The following SNRPN variants were observed in gnomAD, a reference collection of about 807,000 sequenced individuals.
SNRPN encodes the protein small nuclear ribonucleoprotein-associated protein N.
A neutral mutation model predicts 25.2 loss-of-function variants in SNRPN; 7 were observed. That is an observed-to-expected ratio of 0.28 (90% CI 0.16 to 0.52). SNRPN has a LOEUF of 0.52. Ranked by LOEUF, SNRPN falls within the 20% of genes least tolerant of loss-of-function variation. The pLI is 0.96. For missense variants in SNRPN, 196 were observed against 322.5 expected, an observed-to-expected ratio of 0.61 and a Z score of 3.00; for synonymous variants, 124 against 110.6, an observed-to-expected ratio of 1.12 and a Z score of -0.76.
chr15:24,967,783 G>T, intron 2 of SNRPN, 149 bp from the exon 3 acceptor site: 1 of 683,956 alleles, frequency 1.5e-6, no homozygotes, highest in South Asian at 1.7e-5. Context: ...ACTCCAGCCT[G>T]GGCAACAGAA....
At chr15:24,968,730 CT>C (rs1244104279) in intron 3 of SNRPN, 1 of 151,934 alleles carries the variant, frequency 6.6e-6, no homozygotes, top group African/African-American at 2.4e-5. Flanking sequence ...TTACTAATTC[CT>C]TTTTGTTTTG....
intron 3 of SNRPN, among the ~76,000 whole-genome samples, chr15:24,922,612 C>G (rs1236481389): frequency 6.6e-6 from 1 of 152,150 alleles, no homozygotes; most frequent in East Asian, 1.9e-4. Context: ...CATACTTAAG[C>G]TACAGGAATA....
At chr15:24,962,508 A>G (rs1160377639) in intron 2 of SNRPN, among the ~76,000 whole-genome samples, 1 of 152,224 alleles carries the variant, frequency 6.6e-6, no homozygotes, top group East Asian at 1.9e-4. Context: ...TGCATTATTA[A>G]ATCACTTTGT....
At chr15:24,918,779 A>T (rs200732487) in intron 2 of SNRPN, among the ~76,000 whole-genome samples, 421 of 25,984 alleles carry the variant, frequency 0.016, 120 homozygotes, top group African/African-American at 0.056. Flanking sequence ...TATATAACAT[A>T]ATATATATGT....
chr15:24,958,523 A>G (rs1012702802), intron 1 of SNRPN, among the ~76,000 whole-genome samples: 1 of 87,490 alleles, frequency 1.1e-5, no homozygotes, highest in Non-Finnish European at 2.3e-5. Flanking sequence ...TTTTTTTTAA[A>G]TAGACCAGGG....
chr15:24,960,443 C>T (rs1018200990), intron 1 of SNRPN, among the ~76,000 whole-genome samples: 13 of 152,018 alleles, frequency 8.6e-5, no homozygotes, highest in African/African-American at 2.2e-4. Flanking sequence ...TAGGCTCAAG[C>T]GCCCTCTCAC....
At chr15:24,912,068 C>T (rs1210777805) in intron 2 of SNRPN, among the ~76,000 whole-genome samples, 2 of 152,188 alleles carry the variant, frequency 1.3e-5, no homozygotes, top group Admixed American at 6.5e-5. Context: ...ACTCTCACAC[C>T]TCAAGATTGA....
intron 2 of SNRPN, among the ~76,000 whole-genome samples, chr15:24,845,381 T>C (rs1347198771): frequency 2.6e-5 from 4 of 152,202 alleles, no homozygotes; most frequent in Admixed American, 6.5e-5. Context: ...GCAGATCACC[T>C]GAGGTCGGGA....
At position 24,976,939 on chromosome 15, in the gene SNRPN, T is replaced by C. The variant is rs1004922596; in HGVS notation, c.330T>C (p.Ala110=). The C allele has an allele frequency of 2.5e-6, 4 of 1,608,636 alleles. No homozygotes were observed. Among genetic ancestry groups the C allele is most frequent in the Non-Finnish European group, 2.5e-6 (3 of 1,178,414 alleles). The change falls in exon 7 of 10, where the codon GCT becomes GCC. Residue 110 remains alanine, a synonymous_variant. Coordinates refer to ENST00000390687, the MANE Select transcript of SNRPN (RefSeq NM_003097.6). ...AAGGPGVGRA[A]GRGVPAGVPI... ...GAGGCCCTGGGGTTGGTAGGGCAGC[T>C]GGTAGAGGAGTACCAGCTGGTGTGC...
At chr15:24,914,118 T>G (rs1164439713) in intron 2 of SNRPN, among the ~76,000 whole-genome samples, 2 of 152,098 alleles carry the variant, frequency 1.3e-5, no homozygotes, top group Non-Finnish European at 2.9e-5. Flanking sequence ...GAGGGTACCT[T>G]TTGTCTTCGC....
In SNRPN at chr15:24,962,108, T is replaced by A; in HGVS notation, c.-390-6T>A. 1.9e-6 allele frequency: 3 copies of A among 1,613,790 alleles called. No homozygotes were observed. The highest frequency in any genetic ancestry group is 2.5e-6 in the Non-Finnish European group (3 of 1,179,718). On this transcript the variant is annotated splice_region_variant and splice_polypyrimidine_tract_variant and intron_variant, in intron 1 of 9. Transcript: ENST00000390687. Reference sequence around the variant, plus strand: ...ACCAAACAAATGCCTCTCTTTTCTGTTTCAGGGATCGCTTACACCTGAGAC... The same window carrying A: ...ACCAAACAAATGCCTCTCTTTTCTGATTCAGGGATCGCTTACACCTGAGAC...
intron 3 of SNRPN, among the ~76,000 whole-genome samples, chr15:24,969,048 C>A (rs1460856278): frequency 6.6e-6 from 1 of 151,964 alleles, no homozygotes; most frequent in Non-Finnish European, 1.5e-5. Context: ...TCCTTCTAGC[C>A]TTTTTTTAAG....
intron 3 of SNRPN, among the ~76,000 whole-genome samples, chr15:24,920,856 C>T (rs1044285561): frequency 6.6e-6 from 1 of 152,174 alleles, no homozygotes; most frequent in Non-Finnish European, 1.5e-5. Context: ...AGCAGTGAAG[C>T]GAAGCTCAGA....
chr15:24,876,317 C>A (rs1418520986), intron 1 of SNRPN, among the ~76,000 whole-genome samples: 1 of 151,908 alleles, frequency 6.6e-6, no homozygotes, highest in Admixed American at 6.6e-5. Flanking sequence ...CAATAAAAAT[C>A]AGATTAAAGA....
chr15:24,930,454 A>G (rs2060739322), intron 3 of SNRPN, among the ~76,000 whole-genome samples: 2 of 151,882 alleles, frequency 1.3e-5, no homozygotes, highest in African/African-American at 4.8e-5. Context: ...CCTATACCTT[A>G]TTAGAACTCA....
intron 1 of SNRPN, among the ~76,000 whole-genome samples, chr15:24,826,996 G>A (rs35411551): frequency 0.11 from 16,325 of 152,002 alleles, 1,068 homozygotes; most frequent in South Asian, 0.24. Flanking sequence ...ATGATAACAC[G>A]ATGGTGTCAT....
At chr15:24,848,735 C>G (rs1444977459) in intron 2 of SNRPN, 1 of 151,924 alleles carries the variant, frequency 6.6e-6, no homozygotes, top group East Asian at 1.9e-4. Context: ...CCTTAAGATT[C>G]TCTATTTTTA....
intron 2 of SNRPN, among the ~76,000 whole-genome samples, chr15:24,846,117 C>T (rs1323663343): frequency 1.3e-5 from 2 of 151,934 alleles, no homozygotes; most frequent in Non-Finnish European, 2.9e-5. Context: ...TAATATTGAG[C>T]TTTCCAATCC....
chr15:24,909,412 AC>A, intron 2 of SNRPN: 1 of 1,596,170 alleles, frequency 6.3e-7, no homozygotes, highest in Non-Finnish European at 8.5e-7. Context: ...CACTTGGCTG[AC>A]CATCAATGCT....
Sources: gnomAD v4.1 joint callset for allele counts (sites outside exome capture counted in the v4.1 genomes callset) on GRCh38, gnomAD v4.1.1 for gene constraint, MANE v1.5 for transcripts, NCBI Gene and HGNC (gene_info 2026-07-23, HGNC 2026-07-21) for gene names.